Variants in PIP5K1B observed in about 807,000 individuals in gnomAD.
PIP5K1B encodes phosphatidylinositol-4-phosphate 5-kinase type 1 beta, also known as phosphatidylinositol 4-phosphate 5-kinase type-1 beta.
PIP5K1B carries 42 observed loss-of-function variants against 67.0 expected under a neutral mutation model. That is an observed-to-expected ratio of 0.63 (90% confidence interval 0.49 to 0.81). PIP5K1B has a LOEUF of 0.81. Ranked by LOEUF, PIP5K1B falls within the 30% of genes least tolerant of loss-of-function variation. PIP5K1B has a pLI of 0.00. For missense variants in PIP5K1B, 459 were observed against 646.3 expected (o/e 0.71, Z 3.14); for synonymous variants, 214 against 231.4 (o/e 0.92, Z 0.68).
intron 14 of PIP5K1B, among the ~76,000 whole-genome samples, chr9:68,950,048 C>T (rs1178701130): frequency 6.6e-6 from 1 of 152,216 alleles, no homozygotes; most frequent in Non-Finnish European, 1.5e-5. Context: ...TTAGGCTAAA[C>T]TTCATTTAAC....
At chr9:68,935,263 T>A (rs1208730601) in intron 13 of PIP5K1B, among the ~76,000 whole-genome samples, 1 of 152,122 alleles carries the variant, frequency 6.6e-6, no homozygotes. Flanking sequence ...GGTCAGGAGT[T>A]CGAAACCAGC....
chr9:68,713,491 C>T (rs1369541752), intron 1 of PIP5K1B, among the ~76,000 whole-genome samples: 2 of 152,154 alleles, frequency 1.3e-5, no homozygotes, highest in Non-Finnish European at 2.9e-5. Context: ...CCAATATTGC[C>T]AGTACATAGT....
chr9:68,888,934 A>T, intron 6 of PIP5K1B, 47 bp from the exon 7 acceptor site: 1 of 1,340,628 alleles, frequency 7.5e-7, no homozygotes. Context: ...TGGAGGCATC[A>T]CGTACATCAA....
chr9:68,740,881 G>C (rs908766850), intron 1 of PIP5K1B, among the ~76,000 whole-genome samples: 22 of 152,182 alleles, frequency 1.4e-4, no homozygotes, highest in Admixed American at 1.1e-3. Context: ...CGAGTTGGAA[G>C]ACTTCAGGCT....
intron 3 of PIP5K1B, chr9:68,822,344 G>T: frequency 3.9e-6 from 1 of 258,958 alleles, no homozygotes; most frequent in Non-Finnish European, 7.2e-6. Context: ...AAAAAGCTTT[G>T]TAGAAAGAAA....
At chr9:68,735,385 G>A (rs1473044339) in intron 1 of PIP5K1B, among the ~76,000 whole-genome samples, 3 of 108,258 alleles carry the variant, frequency 2.8e-5, no homozygotes, top group Non-Finnish European at 5.2e-5. Context: ...GGAATACCAC[G>A]TTATATTTGT....
intron 4 of PIP5K1B, among the ~76,000 whole-genome samples, chr9:68,844,101 G>A (rs1822058849): frequency 6.6e-6 from 1 of 152,218 alleles, no homozygotes. Context: ...CTTGAAAGTT[G>A]GCTGCTGCAG....
At chr9:68,937,221 CTG>C (rs1232543422) in intron 13 of PIP5K1B, among the ~76,000 whole-genome samples, 61 of 152,180 alleles carry the variant, frequency 4.0e-4, no homozygotes, top group Admixed American at 4.0e-3. Context: ...TAGAATTCAG[CTG>C]TGAATCTGTC....
Position 68,958,637 on chromosome 9 carries a change from T to C in PIP5K1B, c.1502+17847T>C, listed in dbSNP as rs138183222. 6.4e-3 allele frequency among the ~76,000 whole-genome samples: 982 copies of C among 152,350 alleles called. 13 individuals are homozygous for C. The highest frequency in any genetic ancestry group is 0.023 in the African/African-American group (943 of 41,574). ...TCTTTGCTTTTTTTCTCCTATTCAA[T>C]CGCATACTTAGACATTAATATTTTT... is the stretch of plus-strand genomic sequence containing the variant. On this transcript the variant is annotated intron_variant, in intron 14 of 15. Coordinates refer to ENST00000265382, the MANE Select transcript of PIP5K1B (RefSeq NM_003558.4).
rs554786210 is a variant in PIP5K1B at position 68,844,459 on chromosome 9, G to A, written c.70-19378G>A. On this transcript the variant is annotated intron_variant, in intron 4 of 15. Transcript: ENST00000265382. The stretch of plus-strand genomic sequence containing the variant: ...AGCAGGAGCCAATAATCGTGCATTT[G>A]GGACTGGGCCACTAGAAGACTGGCT... 3.3e-5 allele frequency among the ~76,000 whole-genome samples: 5 copies of A among 152,286 alleles called. No homozygotes were observed. The South Asian group carries it at 1.0e-3, about 32-fold the overall frequency.
intron 2 of PIP5K1B, among the ~76,000 whole-genome samples, chr9:68,790,095 T>C (rs1012684614): frequency 6.6e-6 from 1 of 152,122 alleles, no homozygotes; most frequent in African/African-American, 2.4e-5. Context: ...TAAAAAACTC[T>C]AAGTTAAAAC....
intron 2 of PIP5K1B, among the ~76,000 whole-genome samples, chr9:68,773,415 G>A (rs1830759605): frequency 6.6e-6 from 1 of 152,192 alleles, no homozygotes; most frequent in South Asian, 2.1e-4. Context: ...AACAAGGAGA[G>A]ATATCACTCC....
intron 14 of PIP5K1B, among the ~76,000 whole-genome samples, chr9:68,972,758 G>A (rs1564283971): frequency 6.6e-6 from 1 of 152,172 alleles, no homozygotes; most frequent in Non-Finnish European, 1.5e-5. Flanking sequence ...TTCTGAGCCA[G>A]TCAAGTCTAT....
intron 4 of PIP5K1B, among the ~76,000 whole-genome samples, chr9:68,839,398 G>A (rs962042490): frequency 6.6e-6 from 1 of 152,178 alleles, no homozygotes; most frequent in Non-Finnish European, 1.5e-5. Context: ...GGAAAGAGAA[G>A]AAGGTAAAGA....
At chr9:68,931,996 A>G (rs190631892) in intron 12 of PIP5K1B, among the ~76,000 whole-genome samples, 1 of 152,136 alleles carries the variant, frequency 6.6e-6, no homozygotes, top group African/African-American at 2.4e-5. Flanking sequence ...ACAAAAGTGA[A>G]CTCTTTGTTG....
At chr9:68,715,745 T>C (rs1355663183) in intron 1 of PIP5K1B, among the ~76,000 whole-genome samples, 1 of 152,166 alleles carries the variant, frequency 6.6e-6, no homozygotes, top group Non-Finnish European at 1.5e-5. Context: ...TTTTCGTAAA[T>C]TCCCACTAAA....
chr9:68,780,096 C>CAAAGAA, intron 2 of PIP5K1B: 1 of 1,430,490 alleles, frequency 7.0e-7, no homozygotes, highest in Non-Finnish European at 9.1e-7. Context: ...GCGGCGGCGG[C>CAAAGAA]CCTGGACTGC....
chr9:68,808,807 C>T (rs1468997607), intron 2 of PIP5K1B, among the ~76,000 whole-genome samples: 1 of 152,144 alleles, frequency 6.6e-6, no homozygotes, highest in Non-Finnish European at 1.5e-5. Context: ...TTTGATTGGT[C>T]TCCATTTGGA....
At chr9:68,857,000 G>T (rs529902466) in intron 4 of PIP5K1B, among the ~76,000 whole-genome samples, 1 of 152,346 alleles carries the variant, frequency 6.6e-6, no homozygotes, top group African/African-American at 2.4e-5. Context: ...ATAAAGCGAA[G>T]TGAGAAGATC....
Sources: allele counts gnomAD v4.1 joint callset (sites outside exome capture counted in the v4.1 genomes callset), GRCh38; gene constraint gnomAD v4.1.1; transcripts MANE v1.5; gene names NCBI Gene and HGNC (gene_info 2026-07-23, HGNC 2026-07-21).